The following TBC1D5 variants were observed in gnomAD, a reference collection of about 807,000 sequenced individuals.
TBC1D5 encodes TBC1 domain family, member 5.
TBC1D5 carries 75 observed loss-of-function variants against 100.3 expected under a neutral mutation model. The ratio of observed to expected loss-of-function variants is 0.75; its 90% CI spans 0.62 to 0.91. The LOEUF (loss-of-function observed/expected upper bound fraction) is 0.91. Among genes scored for constraint, TBC1D5 ranks in the 40% least tolerant of loss-of-function variants. The pLI is 0.00. For synonymous variants in TBC1D5, 323 were observed against 325.6 expected (o/e 0.99, Z 0.09); for missense variants, 910 against 942.4 (o/e 0.97, Z 0.45).
At chr3:17,552,945 T>C (rs1397386141) in intron 2 of TBC1D5, among the ~76,000 whole-genome samples, 1 of 152,110 alleles carries the variant, frequency 6.6e-6, no homozygotes, top group Non-Finnish European at 1.5e-5. Flanking sequence ...AAATTTTGCA[T>C]TTACCAGTGT....
intron 15 of TBC1D5, among the ~76,000 whole-genome samples, chr3:17,263,349 G>C (rs1397102847): frequency 1.0e-5 from 1 of 99,580 alleles, no homozygotes; most frequent in Non-Finnish European, 1.8e-5. Context: ...CTGGGTGACA[G>C]AATGAGACCC....
chr3:17,166,890 C>T, exon 21 of TBC1D5: 1 of 1,613,488 alleles, frequency 6.2e-7, no homozygotes. Context: ...CTAGCTGGCT[C>T]TGGTTAAAAC....
chr3:17,433,356 C>G (rs2094478057), intron 3 of TBC1D5, among the ~76,000 whole-genome samples: 1 of 152,194 alleles, frequency 6.6e-6, no homozygotes, highest in African/African-American at 2.4e-5. Context: ...AATTGACTCG[C>G]AGTTCCACAT....
At chr3:17,663,823 T>C (rs1238133371) in intron 1 of TBC1D5, among the ~76,000 whole-genome samples, 2 of 152,128 alleles carry the variant, frequency 1.3e-5, no homozygotes, top group African/African-American at 2.4e-5. Flanking sequence ...AAAAAATATA[T>C]AGTACATCTA....
At chr3:17,606,236 G>A (rs2061327971) in intron 2 of TBC1D5, among the ~76,000 whole-genome samples, 1 of 152,150 alleles carries the variant, frequency 6.6e-6, no homozygotes, top group Non-Finnish European at 1.5e-5. Flanking sequence ...AGCCCAGGGA[G>A]TTCAAGGCTA....
intron 17 of TBC1D5, among the ~76,000 whole-genome samples, chr3:17,215,770 A>G (rs2073563299): frequency 6.6e-6 from 1 of 152,206 alleles, no homozygotes; most frequent in Non-Finnish European, 1.5e-5. Flanking sequence ...ACTGAGAAGC[A>G]GCAGCCAGAA....
chr3:17,411,568 A>G (rs2093925791), intron 4 of TBC1D5, among the ~76,000 whole-genome samples: 1 of 152,156 alleles, frequency 6.6e-6, no homozygotes, highest in East Asian at 1.9e-4. Flanking sequence ...TATTCCAGAT[A>G]AGAGAGGGAA....
rs147000835 is a variant in TBC1D5 at position 17,657,183 on chromosome 3, C to A, written c.-100-33270G>T. On this transcript the variant is annotated intron_variant, in intron 1 of 21. Transcript: ENST00000253692. The stretch of plus-strand genomic sequence containing the variant: ...TGGAGCATCCACCTGCAACTCCCTG[C>A]GTATATCTCTATATACAGAGAGGTA... 1.0e-3 allele frequency among the ~76,000 whole-genome samples: 154 copies of A among 152,140 alleles called. 2 individuals carry two copies. In the South Asian group the frequency reaches 0.019, roughly 18 times the overall value.
intron 18 of TBC1D5, 108 bp downstream of exon 19, chr3:17,214,099 A>G (rs2073321818): frequency 8.9e-7 from 1 of 1,129,024 alleles, no homozygotes; most frequent in African/African-American, 1.6e-5. Context: ...TTTAGTCCAT[A>G]AAAGTTTTAA....
chr3:17,523,399 AAAG>A (rs1205332036), intron 2 of TBC1D5, among the ~76,000 whole-genome samples: 1 of 152,208 alleles, frequency 6.6e-6, no homozygotes, highest in Non-Finnish European at 1.5e-5. Flanking sequence ...ATGTTACAGC[AAAG>A]AAGATGTATT....
rs1156670801 is a variant in TBC1D5, at chr3:17,485,848, T to C, written c.97+22626A>G. 2.0e-5 allele frequency among the ~76,000 whole-genome samples: 3 copies of C among 152,246 alleles called. No individual in the cohort carries two copies. In the East Asian group the frequency reaches 5.8e-4, roughly 29 times the overall value. On this transcript the variant is annotated intron_variant, in intron 3 of 21. Coordinates refer to ENST00000253692, the Ensembl canonical transcript of TBC1D5. ...GCAGCATGATTTATAGTCCTTTGGG[T>C]ATATACCCAGTAATGGGATGGTTGG...
intron 12 of TBC1D5, among the ~76,000 whole-genome samples, chr3:17,373,025 T>C (rs771173809): frequency 2.0e-5 from 3 of 152,152 alleles, no homozygotes; most frequent in Admixed American, 1.3e-4. Flanking sequence ...AGTAAACAAA[T>C]AGGAATGACT....
At chr3:17,353,924 G>C (rs1263721962) in intron 13 of TBC1D5, among the ~76,000 whole-genome samples, 2 of 152,006 alleles carry the variant, frequency 1.3e-5, no homozygotes, top group Non-Finnish European at 2.9e-5. Flanking sequence ...GCCTATGCTT[G>C]TTTCCCTCAC....
At chr3:17,333,032 A>G (rs1332833451) in intron 13 of TBC1D5, 1 of 152,224 alleles carries the variant, frequency 6.6e-6, no homozygotes, top group Non-Finnish European at 1.5e-5. Flanking sequence ...CAGATGAGAT[A>G]AATCATAGCA....
At chr3:17,605,808 C>A (rs921679278) in intron 2 of TBC1D5, among the ~76,000 whole-genome samples, 1 of 152,110 alleles carries the variant, frequency 6.6e-6, no homozygotes, top group South Asian at 2.1e-4. Flanking sequence ...TTGTTAATAT[C>A]CAATAATGCA....
rs1380190436 is a variant in TBC1D5 at position 17,345,513 on chromosome 3, G to A, written c.995+26562C>T. ...CAACCATTGTGGAAGTCAGTGTGGC[G>A]ATTCCTCAGGGATCTAGAACTAGAA... On this transcript the variant is annotated intron_variant, in intron 13 of 21. Coordinates refer to ENST00000253692, the Ensembl canonical transcript of TBC1D5. Among the ~76,000 whole-genome samples the A allele has an allele frequency of 3.9e-5, 6 of 152,106 alleles. 1 individual carries two copies. The South Asian group carries it at 6.2e-4, about 16-fold the overall frequency.
intron 17 of TBC1D5, among the ~76,000 whole-genome samples, chr3:17,223,900 A>AAAAACAAAAC (rs142249829): frequency 6.0e-4 from 91 of 150,548 alleles, no homozygotes; most frequent in East Asian, 3.3e-3. Context: ...TCTGTCTCAA[A>AAAAACAAAAC]AAAACAAAAC....
At chr3:17,565,647 A>G (rs902212738) in intron 2 of TBC1D5, among the ~76,000 whole-genome samples, 4 of 152,084 alleles carry the variant, frequency 2.6e-5, no homozygotes, top group African/African-American at 9.6e-5. Context: ...AATGTATATG[A>G]TATTTCGCAT....
intron 1 of TBC1D5, among the ~76,000 whole-genome samples, chr3:17,636,557 C>T (rs1222631928): frequency 6.6e-6 from 1 of 151,804 alleles, no homozygotes; most frequent in East Asian, 1.9e-4. Flanking sequence ...TTTGGGAGGC[C>T]GAGGCAGGCG....
Sources: gnomAD v4.1 joint callset for allele counts (sites outside exome capture counted in the v4.1 genomes callset) on GRCh38, gnomAD v4.1.1 for gene constraint, MANE v1.5 for transcripts, NCBI Gene and HGNC (gene_info 2026-07-23, HGNC 2026-07-21) for gene names.